The following DIPK1A variants were observed in gnomAD, a reference collection of about 807,000 sequenced individuals.
DIPK1A encodes family with sequence similarity 69 member A.
In DIPK1A, 27 loss-of-function variants were observed where a neutral mutation model predicts 40.8. The observed-to-expected ratio is 0.66, with a 90% confidence interval of 0.49 to 0.91. DIPK1A has a LOEUF of 0.91. Among genes scored for constraint, DIPK1A ranks in the 40% least tolerant of loss-of-function variants. The pLI, the probability that DIPK1A is intolerant of heterozygous loss-of-function variation, is 0.00. For synonymous variants in DIPK1A, 166 were observed against 171.3 expected (o/e 0.97, Z 0.24); for missense variants, 412 against 505.7 (o/e 0.81, Z 1.78).
chr1:92,883,625 T>G (rs1238464550), intron 1 of DIPK1A, among the ~76,000 whole-genome samples: 2 of 152,192 alleles, frequency 1.3e-5, no homozygotes, highest in East Asian at 1.9e-4. Flanking sequence ...CTGGAACAGC[T>G]TTATGTGGCT....
intron 1 of DIPK1A, among the ~76,000 whole-genome samples, chr1:92,956,901 G>A (rs937677322): frequency 6.6e-6 from 1 of 152,142 alleles, no homozygotes; most frequent in Non-Finnish European, 1.5e-5. Flanking sequence ...CCCCTTACAA[G>A]CAAAACGGCT....
At chr1:92,869,839 G>A (rs1647746515) in intron 2 of DIPK1A, among the ~76,000 whole-genome samples, 1 of 152,034 alleles carries the variant, frequency 6.6e-6, no homozygotes, top group Admixed American at 6.6e-5. Context: ...CTAATACAGA[G>A]GGAGAGAGGC....
rs1003035741 is a variant in DIPK1A at position 92,842,923 on chromosome 1, T to G, written c.*460A>C. 1.3e-5 allele frequency: 13 copies of G among 988,060 alleles called. No homozygotes were observed. In the African/African-American group the frequency reaches 1.6e-4, roughly 12 times the overall value. The allele number at this position is 988,060 out of a possible 1,614,324, so 61.2% of individuals were successfully genotyped here. ...ACATCTGTTTTATAAAGAAGCAAGT[T>G]TAACCTGCTTTGCAGTCTTAATTTC... On this transcript the variant is annotated 3_prime_UTR_variant, in exon 5 of 5. Transcript: ENST00000370310.
At chr1:92,888,388 T>C (rs1430196278) in intron 1 of DIPK1A, among the ~76,000 whole-genome samples, 2 of 152,238 alleles carry the variant, frequency 1.3e-5, no homozygotes, top group East Asian at 1.9e-4. Flanking sequence ...TATAGCTAGA[T>C]AGTATTCCAT....
rs1165880375 is a variant in DIPK1A at position 92,844,168 on chromosome 1, AGAGGTT to A, written c.496_501del (p.Asn166_Leu167del). 1 of 1,548,532 alleles carries A rather than the reference AGAGGTT, an allele frequency of 6.5e-7. No individual in the cohort carries two copies. The highest frequency in any genetic ancestry group is 1.4e-5 in the African/African-American group (1 of 72,976). On this transcript the variant is annotated inframe_deletion, in exon 5 of 5. Coordinates refer to ENST00000370310, the MANE Select transcript of DIPK1A (RefSeq NM_001006605.5). ...GTCAAGATGAGATTAACCAGTTCAG[AGAGGTT>A]TCCTTGGTCACCCAATTTTGCCTGT...
At chr1:92,898,323 G>A (rs974805861) in intron 1 of DIPK1A, among the ~76,000 whole-genome samples, 1 of 152,026 alleles carries the variant, frequency 6.6e-6, no homozygotes, top group Admixed American at 6.6e-5. Context: ...TAAACAACCA[G>A]ATCTCACATG....
At chr1:92,861,940 C>T (rs1010790533) in intron 2 of DIPK1A, among the ~76,000 whole-genome samples, 7 of 152,080 alleles carry the variant, frequency 4.6e-5, no homozygotes, top group African/African-American at 1.7e-4. Context: ...CTACCACACC[C>T]GGCTAAGTTT....
chr1:92,922,169 C>T (rs1650294401), intron 1 of DIPK1A, among the ~76,000 whole-genome samples: 1 of 151,386 alleles, frequency 6.6e-6, no homozygotes, highest in Non-Finnish European at 1.5e-5. Context: ...TGCCCTTTTG[C>T]TTAGTTAACA....
chr1:92,842,589 T>A lies in DIPK1A; in HGVS notation c.*794A>T. ...AAAGTTATTACTAAAAAGTCTGCTA[T>A]AATTTATTTTAGTCTTGCACTTACA... is the stretch of plus-strand genomic sequence containing the variant. On this transcript the variant is annotated 3_prime_UTR_variant, in exon 5 of 5. Coordinates refer to ENST00000370310, the MANE Select transcript of DIPK1A (RefSeq NM_001006605.5). 1.0e-6 allele frequency: 1 copy of A among 959,612 alleles called. No homozygotes were observed. The highest frequency in any genetic ancestry group is 1.2e-6 in the Non-Finnish European group (1 of 819,804). The allele number at this position is 959,612 out of a possible 1,614,324, so 59.4% of individuals were successfully genotyped here.
intron 2 of DIPK1A, among the ~76,000 whole-genome samples, chr1:92,861,321 CTTTTT>C (rs71230876): frequency 1.3e-4 from 11 of 83,546 alleles, no homozygotes; most frequent in East Asian, 3.9e-4. Context: ...CTCTCTCTCT[CTTTTT>C]TTTTTTTTTT....
chr1:92,856,757 A>G (rs1361525623), intron 2 of DIPK1A, among the ~76,000 whole-genome samples: 4 of 152,136 alleles, frequency 2.6e-5, no homozygotes, highest in Non-Finnish European at 4.4e-5. Context: ...AGAAAAGGAA[A>G]AGAAGAGAAA....
intron 1 of DIPK1A, among the ~76,000 whole-genome samples, chr1:92,894,175 T>C (rs1052112543): frequency 2.6e-5 from 4 of 152,136 alleles, no homozygotes; most frequent in African/African-American, 9.7e-5. Flanking sequence ...TACAGAACTC[T>C]CCACCCCAAA....
intron 1 of DIPK1A, among the ~76,000 whole-genome samples, chr1:92,907,373 G>T (rs892588137): frequency 1.3e-5 from 2 of 152,104 alleles, no homozygotes; most frequent in Non-Finnish European, 2.9e-5. Flanking sequence ...GAGAGTGACT[G>T]ACTGGGAAGG....
chr1:92,956,028 C>G (rs566880793), intron 1 of DIPK1A, among the ~76,000 whole-genome samples: 1 of 151,220 alleles, frequency 6.6e-6, no homozygotes, highest in African/African-American at 2.4e-5. Context: ...AGAGGGAGAT[C>G]CTGTATCAAG....
At chr1:92,854,037 C>G (rs748603116) in intron 2 of DIPK1A, among the ~76,000 whole-genome samples, 1 of 152,138 alleles carries the variant, frequency 6.6e-6, no homozygotes, top group Non-Finnish European at 1.5e-5. Context: ...CAAGAATGTG[C>G]CACTATGCCT....
chr1:92,852,864 AC>A (rs1022317862), intron 2 of DIPK1A, among the ~76,000 whole-genome samples: 1 of 152,102 alleles, frequency 6.6e-6, no homozygotes, highest in African/African-American at 2.4e-5. Flanking sequence ...ATACAGCAAG[AC>A]CCCATCTCTA....
At chr1:92,847,691 G>A (rs1687685379) in intron 3 of DIPK1A, among the ~76,000 whole-genome samples, 1 of 152,120 alleles carries the variant, frequency 6.6e-6, no homozygotes, top group African/African-American at 2.4e-5. Context: ...TAAGTATCTA[G>A]TTATTTATCA....
At chr1:92,901,875 T>C (rs1377789206) in intron 1 of DIPK1A, among the ~76,000 whole-genome samples, 2 of 152,074 alleles carry the variant, frequency 1.3e-5, no homozygotes, top group Non-Finnish European at 2.9e-5. Flanking sequence ...GGTACTAAAG[T>C]TGTCTGGCTT....
At chr1:92,930,575 A>G (rs1650703476) in intron 1 of DIPK1A, 2 of 152,230 alleles carry the variant, frequency 1.3e-5, no homozygotes, top group South Asian at 4.1e-4. Context: ...TAATTCATTT[A>G]ACACAGAGGG....
Sources: allele counts gnomAD v4.1 joint callset (sites outside exome capture counted in the v4.1 genomes callset), GRCh38; gene constraint gnomAD v4.1.1; transcripts MANE v1.5; gene names NCBI Gene and HGNC (gene_info 2026-07-23, HGNC 2026-07-21).